The following VPS13B variants were observed in gnomAD, a reference collection of about 807,000 sequenced individuals.
VPS13B encodes the protein intermembrane lipid transfer protein VPS13B.
VPS13B carries 285 observed loss-of-function variants against 426.4 expected under a neutral mutation model. That is an observed-to-expected ratio of 0.67 (90% CI 0.61 to 0.74). The LOEUF (loss-of-function observed/expected upper bound fraction) is 0.74, where lower values mean the gene tolerates loss of function less well. VPS13B is among the 30% of genes least tolerant of loss of function. VPS13B has a pLI of 0.00. For missense variants in VPS13B, 4,537 were observed against 4,782.6 expected, an observed-to-expected ratio of 0.95 and a Z score of 1.51; for synonymous variants, 1,676 against 1,676.4, an observed-to-expected ratio of 1.00 and a Z score of 0.01.
At chr8:99,581,711 T>A (rs1826069355) in intron 33 of VPS13B, among the ~76,000 whole-genome samples, 1 of 152,166 alleles carries the variant, frequency 6.6e-6, no homozygotes, top group Admixed American at 6.5e-5. Context: ...ACTAAAAAAA[T>A]TTCAGATTTT....
At chr8:99,737,106 C>CTTTTTTTTTTTTTTTT (rs386413466) in intron 39 of VPS13B, among the ~76,000 whole-genome samples, 3 of 44,374 alleles carry the variant, frequency 6.8e-5, no homozygotes, top group African/African-American at 1.6e-4. Context: ...AGATGTCCTT[C>CTTTTTTTTTTTTTTTT]TTTTTTTTTT....
At chr8:99,488,435 A>G (rs1820420487) in intron 25 of VPS13B, among the ~76,000 whole-genome samples, 1 of 151,938 alleles carries the variant, frequency 6.6e-6, no homozygotes, top group Non-Finnish European at 1.5e-5. Flanking sequence ...ACTGTCTACT[A>G]CTTTCCTACT....
chr8:99,676,015 T>C (rs1830918933), intron 35 of VPS13B, among the ~76,000 whole-genome samples: 1 of 152,138 alleles, frequency 6.6e-6, no homozygotes, highest in Non-Finnish European at 1.5e-5. Flanking sequence ...TTTTTTTTTA[T>C]TCTTGTGGTC....
chr8:99,654,850 G>A (rs751102711), intron 34 of VPS13B, among the ~76,000 whole-genome samples: 29 of 150,214 alleles, frequency 1.9e-4, no homozygotes, highest in Non-Finnish European at 3.4e-4. Flanking sequence ...GGGGATAAAA[G>A]GATTAAGCCA....
At chr8:99,013,461 G>C in intron 1 of VPS13B, 114 bp downstream of exon 1, 1 of 374,020 alleles carries the variant, frequency 2.7e-6, no homozygotes, top group South Asian at 2.3e-5. Flanking sequence ...TCGCGGGGTG[G>C]CTGGGTTGGT....
chr8:99,758,337 A>G (rs940282112), intron 39 of VPS13B, among the ~76,000 whole-genome samples: 9 of 152,238 alleles, frequency 5.9e-5, no homozygotes. Flanking sequence ...TTAGTGAGTT[A>G]AGTTAATGCA....
At chr8:99,724,339 T>A (rs1833245963) in intron 39 of VPS13B, among the ~76,000 whole-genome samples, 1 of 152,074 alleles carries the variant, frequency 6.6e-6, no homozygotes, top group Admixed American at 6.6e-5. Flanking sequence ...GTTGTCAGAA[T>A]CATTCTCCTA....
intron 3 of VPS13B, among the ~76,000 whole-genome samples, chr8:99,095,055 G>A (rs908040726): frequency 2.6e-5 from 4 of 151,976 alleles, no homozygotes; most frequent in Non-Finnish European, 2.9e-5. Flanking sequence ...GCCTATCTTC[G>A]TGAAAGAGCA....
At chr8:99,594,572 G>A (rs941013043) in intron 33 of VPS13B, among the ~76,000 whole-genome samples, 1 of 151,828 alleles carries the variant, frequency 6.6e-6, no homozygotes, top group Non-Finnish European at 1.5e-5. Context: ...TATGACTATT[G>A]CTTAATGTTT....
intron 36 of VPS13B, among the ~76,000 whole-genome samples, chr8:99,704,303 T>C (rs1199554883): frequency 1.3e-5 from 2 of 152,172 alleles, no homozygotes; most frequent in East Asian, 1.9e-4. Context: ...GTAAAGAACC[T>C]AAAGTTCCTT....
At chr8:99,594,633 A>G (rs1826900126) in intron 33 of VPS13B, among the ~76,000 whole-genome samples, 1 of 151,964 alleles carries the variant, frequency 6.6e-6, no homozygotes, top group Non-Finnish European at 1.5e-5. Flanking sequence ...CCAATGTCCT[A>G]TTTATCATCT....
intron 21 of VPS13B, among the ~76,000 whole-genome samples, chr8:99,396,425 A>G (rs2133324218): frequency 6.6e-6 from 1 of 152,298 alleles, no homozygotes; most frequent in South Asian, 2.1e-4. Context: ...TCCGAGGTTA[A>G]AAAGATATTT....
chr8:99,442,551 A>T lies in VPS13B; in HGVS notation c.3361A>T (p.Ile1121Leu), dbSNP rs199986963. 3.7e-6 allele frequency: 6 copies of T among 1,614,026 alleles called. No homozygotes were observed. Among genetic ancestry groups the T allele is most frequent in the East Asian group, 2.2e-5 (1 of 44,848 alleles). Residue 1121 changes from isoleucine (I) to leucine (L), a missense_variant, in exon 23 of 62, where the codon ATA (isoleucine) becomes TTA (leucine). Transcript: ENST00000357162. ...AACACTTGTCCTCTGTTTGCCTCAAATAAAGATTATTAGTGCTGGGCACAA... is the reference window on the plus strand; with the variant it reads ...AACACTTGTCCTCTGTTTGCCTCAATTAAAGATTATTAGTGCTGGGCACAA... ...PGTLVLCLPQIKIISAGHKYM... is the reference protein window; with the variant it reads ...PGTLVLCLPQLKIISAGHKYM...
At chr8:99,148,878 T>C (rs1188664124) in intron 14 of VPS13B, among the ~76,000 whole-genome samples, 2 of 152,244 alleles carry the variant, frequency 1.3e-5, no homozygotes, top group African/African-American at 4.8e-5. Flanking sequence ...AGCAGTGGTG[T>C]AGCTTAGCGC....
chr8:99,193,812 C>T (rs1322494013), intron 17 of VPS13B, among the ~76,000 whole-genome samples: 1 of 152,066 alleles, frequency 6.6e-6, no homozygotes, highest in Admixed American at 6.6e-5. Context: ...TTTGGCCTAG[C>T]CATTAACTAA....
At chr8:99,115,654 T>A in intron 6 of VPS13B, 46 bp from the exon 7 acceptor site, 1 of 1,589,492 alleles carries the variant, frequency 6.3e-7, no homozygotes, top group Non-Finnish European at 8.6e-7. Context: ...AAAAATACTC[T>A]TTTTAAACAT....
rs1282356403 is a variant in VPS13B, at chr8:99,156,728, A to G, written c.2193A>G (p.Val731=). 1 of 1,614,038 alleles carries G rather than the reference A, an allele frequency of 6.2e-7. No individual in the cohort carries two copies. The highest frequency in any genetic ancestry group is 8.5e-7 in the Non-Finnish European group (1 of 1,179,896). ...ATAACCTGCTTCATTATTGTTATGT[A>G]CACTGCTATCTTAAGGTATGAAAAG... ...PSDNLLHYCY[V]HCYLKIFGFQ... Residue 731 remains valine (V), a synonymous_variant, in exon 15 of 62, where the codon GTA becomes GTG. Transcript: ENST00000357162.
intron 19 of VPS13B, among the ~76,000 whole-genome samples, chr8:99,280,996 G>A (rs1302096776): frequency 6.6e-6 from 1 of 152,030 alleles, no homozygotes; most frequent in African/African-American, 2.4e-5. Context: ...TATAGCAGTG[G>A]TCCTCAACTG....
intron 17 of VPS13B, among the ~76,000 whole-genome samples, chr8:99,236,807 TA>T (rs1816677109): frequency 6.6e-6 from 1 of 152,218 alleles, no homozygotes; most frequent in African/African-American, 2.4e-5. Flanking sequence ...GTGATGTGTA[TA>T]GTGTTCTAAG....
Sources: allele counts gnomAD v4.1 joint callset (sites outside exome capture counted in the v4.1 genomes callset), GRCh38; gene constraint gnomAD v4.1.1; transcripts MANE v1.5; gene names NCBI Gene and HGNC (gene_info 2026-07-23, HGNC 2026-07-21).